JMY: variants seen among roughly 807,000 people sequenced by gnomAD.
The protein encoded by JMY is junction mediating and regulatory protein, p53 cofactor.
Under a neutral mutation model 103.3 loss-of-function variants are expected in JMY, and 46 were observed. That is an observed-to-expected ratio of 0.45 (90% CI 0.35 to 0.57). The LOEUF is 0.57. Ranked by LOEUF, JMY falls within the 20% of genes least tolerant of loss-of-function variation. The probability of loss-of-function intolerance (pLI) is 0.00; values close to 1 mark genes in which losing one functional copy is unlikely to be tolerated. For synonymous variants in JMY, 526 were observed against 489.3 expected (o/e 1.07, Z -0.99); for missense variants, 1,238 against 1,255.2 (o/e 0.99, Z 0.21).
chr5:79,257,194 T>C (rs908811638), intron 1 of JMY, among the ~76,000 whole-genome samples: 1 of 151,934 alleles, frequency 6.6e-6, no homozygotes, highest in Non-Finnish European at 1.5e-5. Flanking sequence ...TGCCTCAGCC[T>C]CCCAAGTAGC....
intron 2 of JMY, among the ~76,000 whole-genome samples, chr5:79,287,392 T>C (rs1177585418): frequency 6.6e-6 from 1 of 152,198 alleles, no homozygotes. Context: ...CTTCAGACTT[T>C]CAAAGTTAGG....
intron 2 of JMY, among the ~76,000 whole-genome samples, chr5:79,278,585 CAAAA>C (rs34278536): frequency 0.063 from 3,607 of 56,828 alleles, 25 homozygotes; most frequent in African/African-American, 0.15. Flanking sequence ...CCCGTCTCTA[CAAAA>C]AAAAAAAAAA....
intron 2 of JMY, among the ~76,000 whole-genome samples, chr5:79,280,357 A>G (rs6866386): frequency 3.9e-5 from 6 of 152,330 alleles, no homozygotes; most frequent in African/African-American, 1.2e-4. Flanking sequence ...TATTAATATT[A>G]GCAAATTGGT....
intron 1 of JMY, among the ~76,000 whole-genome samples, chr5:79,249,441 T>C (rs1418225425): frequency 6.6e-6 from 1 of 152,240 alleles, no homozygotes; most frequent in Non-Finnish European, 1.5e-5. Flanking sequence ...AGATGCTTGC[T>C]TTTGTAAACA....
At chr5:79,244,381 T>C (rs1683421913) in intron 1 of JMY, among the ~76,000 whole-genome samples, 1 of 152,030 alleles carries the variant, frequency 6.6e-6, no homozygotes. Flanking sequence ...TTCAGTGATA[T>C]TATTATAAGG....
At chr5:79,305,980 G>C (rs1303158172) in intron 6 of JMY, among the ~76,000 whole-genome samples, 1 of 152,122 alleles carries the variant, frequency 6.6e-6, no homozygotes, top group African/African-American at 2.4e-5. Context: ...GATTACTTGA[G>C]GCCAGGAGTT....
chr5:79,247,913 G>T (rs1437665360), intron 1 of JMY, among the ~76,000 whole-genome samples: 2 of 146,678 alleles, frequency 1.4e-5, no homozygotes, highest in Admixed American at 1.4e-4. Flanking sequence ...TTTATTTTGA[G>T]ACAGAGTCTC....
chr5:79,273,980 G>A (rs557711512), intron 1 of JMY, among the ~76,000 whole-genome samples: 3 of 151,810 alleles, frequency 2.0e-5, no homozygotes, highest in East Asian at 3.9e-4. Flanking sequence ...ACAGGTGCCC[G>A]CCACCATGCC....
At chr5:79,272,865 A>G (rs754891809) in intron 1 of JMY, among the ~76,000 whole-genome samples, 10 of 152,082 alleles carry the variant, frequency 6.6e-5, no homozygotes, top group Admixed American at 1.3e-4. Context: ...CAAACTCCCA[A>G]CCTCAAGTGA....
At chr5:79,239,463 T>G (rs1256578925) in intron 1 of JMY, among the ~76,000 whole-genome samples, 1 of 152,186 alleles carries the variant, frequency 6.6e-6, no homozygotes, top group Non-Finnish European at 1.5e-5. Flanking sequence ...TTCTTAAAAA[T>G]CCCTTAATGA....
chr5:79,273,332 T>C (rs188292452), intron 1 of JMY, among the ~76,000 whole-genome samples: 3 of 152,322 alleles, frequency 2.0e-5, no homozygotes, highest in South Asian at 2.1e-4. Flanking sequence ...GATGTTTTGT[T>C]GTGTTTTGTT....
chr5:79,253,541 C>G (rs1018358282), intron 1 of JMY, among the ~76,000 whole-genome samples: 1 of 152,158 alleles, frequency 6.6e-6, no homozygotes, highest in East Asian at 1.9e-4. Context: ...ATCTGCCCAC[C>G]GCAGCCTCCC....
intron 2 of JMY, chr5:79,284,874 C>T (rs912523686): frequency 5.1e-6 from 8 of 1,569,162 alleles, no homozygotes; most frequent in Non-Finnish European, 4.3e-6. Flanking sequence ...TCTTGGCCCC[C>T]TTTTTGCTGC....
intron 1 of JMY, among the ~76,000 whole-genome samples, chr5:79,264,329 C>T (rs112980426): frequency 0.011 from 1,663 of 151,896 alleles, 34 homozygotes; most frequent in African/African-American, 0.037. Context: ...TTAAGCAATC[C>T]GCTGACCTCA....
rs1744478418 is a variant in JMY at position 79,236,143 on chromosome 5, A to G, written c.-508A>G. ...CGCCGACGTCAGCAGTCGAATGGCA[A>G]CATTGTGGCGATGCTGAGGCGCAGA... On this transcript the variant is annotated 5_prime_UTR_variant, in exon 1 of 11. Transcript: ENST00000396137. 1 of 150,940 alleles carries G rather than the reference A, an allele frequency of 6.6e-6. No individual in the cohort carries two copies. The highest frequency in any genetic ancestry group is 1.5e-5 in the Non-Finnish European group (1 of 67,704). 9.4% of individuals were successfully genotyped at this position (150,940 alleles called of 1,614,324 possible).
intron 4 of JMY, among the ~76,000 whole-genome samples, chr5:79,299,290 G>A (rs949276287): frequency 3.3e-5 from 5 of 152,138 alleles, no homozygotes; most frequent in Admixed American, 6.6e-5. Flanking sequence ...AGAGAACTAT[G>A]CTTGTCCTTC....
intron 1 of JMY, among the ~76,000 whole-genome samples, chr5:79,260,689 C>T (rs1463169509): frequency 6.6e-6 from 1 of 151,670 alleles, no homozygotes; most frequent in Admixed American, 6.6e-5. Flanking sequence ...CCACACCTGG[C>T]CCCAGATTTT....
intron 1 of JMY, among the ~76,000 whole-genome samples, chr5:79,256,318 C>T (rs1745240899): frequency 6.6e-6 from 1 of 152,144 alleles, no homozygotes. Context: ...CTTTCAACCA[C>T]CCTTCAGGGC....
intron 1 of JMY, among the ~76,000 whole-genome samples, chr5:79,269,327 C>T (rs757830290): frequency 3.3e-5 from 5 of 152,160 alleles, no homozygotes; most frequent in African/African-American, 7.2e-5. Context: ...CACAGATACC[C>T]TACTGTCTTG....
Sources: gnomAD v4.1 joint callset for allele counts (sites outside exome capture counted in the v4.1 genomes callset) on GRCh38, gnomAD v4.1.1 for gene constraint, MANE v1.5 for transcripts, NCBI Gene and HGNC (gene_info 2026-07-23, HGNC 2026-07-21) for gene names.